The following MYOM3 variants were observed in gnomAD, a reference collection of about 807,000 sequenced individuals.
MYOM3 encodes the protein myomesin 3, also known as myomesin-3.
Under a neutral mutation model 191.7 loss-of-function variants are expected in MYOM3, and 155 were observed. The ratio of observed to expected loss-of-function variants is 0.81; its 90% CI spans 0.71 to 0.92. The LOEUF is 0.92. Among genes scored for constraint, MYOM3 ranks in the 40% least tolerant of loss-of-function variants. The pLI is 0.00. For missense variants in MYOM3, 1,889 were observed against 1,890.6 expected, an observed-to-expected ratio of 1.00 and a Z score of 0.02; for synonymous variants, 757 against 762.9, an observed-to-expected ratio of 0.99 and a Z score of 0.13.
chr1:24,074,740 T>C (rs145025054), intron 22 of MYOM3, among the ~76,000 whole-genome samples: 1 of 152,246 alleles, frequency 6.6e-6, no homozygotes, highest in East Asian at 1.9e-4. Context: ...TCCTTGAAGG[T>C]ACTTAGTTAG....
intron 14 of MYOM3, 150 bp from the exon 15 acceptor site, chr1:24,086,977 ATC>A: frequency 9.4e-6 from 7 of 748,258 alleles, no homozygotes; most frequent in Non-Finnish European, 1.5e-5. Flanking sequence ...GCTCTGCCCC[ATC>A]TGCCTCCTCA....
chr1:24,058,677 C>T (rs971641585), intron 36 of MYOM3, among the ~76,000 whole-genome samples: 14 of 152,084 alleles, frequency 9.2e-5, no homozygotes, highest in Admixed American at 7.9e-4. Flanking sequence ...CGCTGAAGTC[C>T]GCAGGTAGAA....
chr1:24,056,626 C>T lies in MYOM3; in HGVS notation c.*738G>A, dbSNP rs1643304496. 1 of 152,316 alleles carries T rather than the reference C, an allele frequency of 6.6e-6. No homozygotes were observed. The highest frequency in any genetic ancestry group is 1.5e-5 in the Non-Finnish European group (1 of 68,158). 9.4% of individuals were successfully genotyped at this position (152,316 alleles called of 1,614,324 possible). ...TCAGGTGATCTGCCCGCCTTGGCCT[C>T]CCAAACTACTGGGATTACAGGCGTG... On this transcript the variant is annotated 3_prime_UTR_variant, in exon 37 of 37. Transcript: ENST00000374434.
In MYOM3 at chr1:24,056,354, T is replaced by G. The variant is rs923039394; in HGVS notation, c.*1010A>C. The G allele has an allele frequency of 6.6e-6, 1 of 152,302 alleles. No homozygotes were observed. The highest frequency in any genetic ancestry group is 2.4e-5 in the African/African-American group (1 of 41,428). The allele number at this position is 152,302 out of a possible 1,614,324, so 9.4% of individuals were successfully genotyped here. A position where few individuals can be genotyped will look rare whatever the true frequency, so the allele number is the denominator to read the frequency against. On this transcript the variant is annotated 3_prime_UTR_variant, in exon 37 of 37. Coordinates refer to ENST00000374434, the MANE Select transcript of MYOM3 (RefSeq NM_152372.4). ...CCCACCAGACCCTGCTCCTGGGATG[T>G]CCTTCTCCCATTACCACCACAAAAT...
chr1:24,058,899 G>A (rs1643334051), intron 36 of MYOM3, 25 bp downstream of exon 36: 4 of 1,577,488 alleles, frequency 2.5e-6, no homozygotes, highest in African/African-American at 1.3e-5. Context: ...GGGACTGCTG[G>A]CTGTGGGCTG....
rs565817238 is a variant in MYOM3, at chr1:24,081,585, C to T, written c.2281-129G>A. 15 of 1,130,886 alleles carry T rather than the reference C, an allele frequency of 1.3e-5. No homozygotes were observed. The Admixed American group carries it at 2.6e-4, about 20-fold the overall frequency. The allele number at this position is 1,130,886 out of a possible 1,614,324, so 70.1% of individuals were successfully genotyped here. A position where few individuals can be genotyped will look rare whatever the true frequency, so the allele number is the denominator to read the frequency against. On this transcript the variant is annotated intron_variant, in intron 18 of 36. Coordinates refer to ENST00000374434, the MANE Select transcript of MYOM3 (RefSeq NM_152372.4). ...TTGCTTTTATTTTTATTTTTTGAGA[C>T]ATGGTCTCACTTTGTCACCCAGGCT... is the stretch of plus-strand genomic sequence containing the variant.
chr1:24,075,727 G>A (rs924285921), intron 21 of MYOM3, among the ~76,000 whole-genome samples: 7 of 152,090 alleles, frequency 4.6e-5, no homozygotes, highest in African/African-American at 1.7e-4. Context: ...AATAAAGCAC[G>A]TATCTCTATC....
intron 25 of MYOM3, among the ~76,000 whole-genome samples, chr1:24,069,693 T>A (rs1336351042): frequency 6.6e-6 from 1 of 151,472 alleles, no homozygotes; most frequent in African/African-American, 2.4e-5. Context: ...CACTGCAACC[T>A]CTGTCTCCCG....
chr1:24,082,380 AC>A (rs1294986969), intron 17 of MYOM3, 192 bp from the exon 18 acceptor site: 3 of 859,750 alleles, frequency 3.5e-6, no homozygotes, highest in East Asian at 2.8e-5. Context: ...GGGCTTCCCC[AC>A]CCCCCAGAGC....
chr1:24,090,424 C>T (rs569552890), intron 12 of MYOM3, among the ~76,000 whole-genome samples: 94 of 152,316 alleles, frequency 6.2e-4, no homozygotes, highest in African/African-American at 1.9e-3. Context: ...CCCAAGTCAG[C>T]GTGGCTCCCG....
intron 21 of MYOM3, 41 bp downstream of exon 21, chr1:24,076,118 T>C (rs1387834065): frequency 6.6e-7 from 1 of 1,504,766 alleles, no homozygotes; most frequent in Admixed American, 1.7e-5. Flanking sequence ...CCCAGTGGCG[T>C]AGCCCAGTGG....
intron 1 of MYOM3, among the ~76,000 whole-genome samples, chr1:24,109,910 T>A (rs1386744923): frequency 1.3e-5 from 2 of 152,172 alleles, no homozygotes; most frequent in Non-Finnish European, 2.9e-5. Flanking sequence ...AATGTACACA[T>A]CTCCTTTGCA....
At chr1:24,102,451 A>G (rs1405611669) in intron 5 of MYOM3, among the ~76,000 whole-genome samples, 1 of 151,892 alleles carries the variant, frequency 6.6e-6, no homozygotes, top group Non-Finnish European at 1.5e-5. Context: ...GGAGACCTCA[A>G]CGCTCACCCC....
chr1:24,084,355 G>T, intron 16 of MYOM3, 113 bp downstream of exon 16: 1 of 1,204,320 alleles, frequency 8.3e-7, no homozygotes, highest in Admixed American at 1.9e-5. Flanking sequence ...GCCTGTATAG[G>T]TCGCAGAACT....
intron 28 of MYOM3, chr1:24,066,270 C>A (rs1278165160): frequency 1.4e-6 from 1 of 715,358 alleles, no homozygotes; most frequent in Non-Finnish European, 2.6e-6. Flanking sequence ...CCATAGTCAC[C>A]CCCTCCATCA....
At chr1:24,071,845 T>C in intron 24 of MYOM3, 124 bp downstream of exon 24, 1 of 1,005,226 alleles carries the variant, frequency 9.9e-7, no homozygotes. Context: ...AGCTCTGTGA[T>C]TCTCCCACCC....
At chr1:24,095,580 C>A in intron 7 of MYOM3, 94 bp from the exon 8 acceptor site, 1 of 1,117,044 alleles carries the variant, frequency 9.0e-7, no homozygotes, top group South Asian at 1.5e-5. Flanking sequence ...GAGTTTGAGT[C>A]CTGGTCTGTT....
chr1:24,075,082 AAAAG>A (rs1643579690), intron 22 of MYOM3, among the ~76,000 whole-genome samples: 1 of 57,348 alleles, frequency 1.7e-5, no homozygotes, highest in African/African-American at 5.4e-5. Flanking sequence ...TCAAAAAAAG[AAAAG>A]AAAAGAAAAG....
intron 11 of MYOM3, 49 bp downstream of exon 11, chr1:24,092,125 A>C (rs533160399): frequency 7.1e-7 from 1 of 1,398,946 alleles, no homozygotes; most frequent in South Asian, 1.8e-5. Flanking sequence ...TCCCACCACC[A>C]GACAGAATTC....
Sources: gnomAD v4.1 joint callset for allele counts (sites outside exome capture counted in the v4.1 genomes callset) on GRCh38, gnomAD v4.1.1 for gene constraint, MANE v1.5 for transcripts, NCBI Gene and HGNC (gene_info 2026-07-23, HGNC 2026-07-21) for gene names.